The following PCNX4 variants were observed in gnomAD, a reference collection of about 807,000 sequenced individuals.
The protein encoded by PCNX4 is pecanex 4, also known as pecanex-like protein 4.
PCNX4 carries 103 observed loss-of-function variants against 107.2 expected under a neutral mutation model. The observed-to-expected ratio is 0.96, with a 90% CI of 0.82 to 1.13. The LOEUF is 1.13. PCNX4 is among the 50% of genes most tolerant of loss of function. PCNX4 has a pLI of 0.00. For synonymous variants in PCNX4, 541 were observed against 481.7 expected, an observed-to-expected ratio of 1.12 and a Z score of -1.61; for missense variants, 1,528 against 1,379.4, an observed-to-expected ratio of 1.11 and a Z score of -1.71.
At chr14:60,098,831 C>T (rs550072340) in intron 1 of PCNX4, among the ~76,000 whole-genome samples, 8 of 151,396 alleles carry the variant, frequency 5.3e-5, no homozygotes, top group African/African-American at 1.7e-4. Flanking sequence ...CCAGCTACTC[C>T]GGAGGCTGAG....
intron 7 of PCNX4, among the ~76,000 whole-genome samples, chr14:60,119,570 ATGTTT>A (rs1270964871): frequency 6.6e-6 from 1 of 152,190 alleles, no homozygotes; most frequent in Non-Finnish European, 1.5e-5. Context: ...TGTACTACAG[ATGTTT>A]TGTGAATAGT....
At chr14:60,118,747 A>G in intron 7 of PCNX4, 55 bp downstream of exon 7, 2 of 1,472,292 alleles carry the variant, frequency 1.4e-6, no homozygotes, top group East Asian at 2.3e-5. Flanking sequence ...AAAGTACAAA[A>G]AAATAACAAA....
chr14:60,115,730 G>A lies in PCNX4; in HGVS notation c.1369G>A (p.Ala457Thr), dbSNP rs929137303. 2 of 1,612,054 alleles carry A rather than the reference G, an allele frequency of 1.2e-6. No individual in the cohort carries two copies. Among genetic ancestry groups the A allele is most frequent in the East Asian group, 4.5e-5 (2 of 44,822 alleles). ...TTGTTTTGTTTTAGTATCACCTTTT[G>A]CCATGATAGCATTTCTTTCATTGGA... The part of the protein sequence containing the change: ...RILLTLVSPF[A>T]MIAFLSLDSS... The change falls in exon 5 of 11, where the codon GCC (alanine) becomes ACC (threonine). Residue 457 changes from alanine (A) to threonine (T), a missense_variant. By Grantham distance (58) the Ala-to-Thr change is moderately conservative. Coordinates refer to ENST00000406854, the MANE Select transcript of PCNX4 (RefSeq NM_001330177.2).
At chr14:60,099,709 A>G (rs1433095742) in intron 1 of PCNX4, among the ~76,000 whole-genome samples, 1 of 152,212 alleles carries the variant, frequency 6.6e-6, no homozygotes, top group Non-Finnish European at 1.5e-5. Context: ...ATATTTAACA[A>G]CTATCAAAAT....
At chr14:60,130,796 T>C (rs924032882) in intron 10 of PCNX4, among the ~76,000 whole-genome samples, 1 of 148,452 alleles carries the variant, frequency 6.7e-6, no homozygotes, top group Non-Finnish European at 1.5e-5. Flanking sequence ...GAAATAGCAT[T>C]TTTTTTTTTT....
At chr14:60,122,073 G>A (rs906212880) in intron 8 of PCNX4, among the ~76,000 whole-genome samples, 2 of 151,986 alleles carry the variant, frequency 1.3e-5, no homozygotes, top group Admixed American at 1.3e-4. Context: ...TTTTTCACTT[G>A]TATACTCCCA....
At chr14:60,113,568 C>T (rs160222) in intron 2 of PCNX4, among the ~76,000 whole-genome samples, 111,576 of 151,212 alleles carry the variant, frequency 0.74, 43,579 homozygotes, top group Non-Finnish European at 0.87. Flanking sequence ...GGGGTTTCAC[C>T]ATGTTGGCCA....
At position 60,144,103 on chromosome 14, in the gene PCNX4, A is replaced by C. The variant is rs896048985; in HGVS notation, c.*9882A>C. 7 of 152,208 alleles carry C rather than the reference A, an allele frequency of 4.6e-5. No homozygotes were observed. The highest frequency in any genetic ancestry group is 1.7e-4 in the African/African-American group (7 of 41,450). 9.4% of individuals were successfully genotyped at this position (152,208 alleles called of 1,614,324 possible). A position where few individuals can be genotyped will look rare whatever the true frequency, so the allele number is the denominator to read the frequency against. On this transcript the variant is annotated 3_prime_UTR_variant, in exon 11 of 11. Transcript: ENST00000406854. ...TTATGAGGAATGAGTTAATTAACTAATACTAAGCACTCCAGTACAGTAGAA... is the reference window on the plus strand; with the variant it reads ...TTATGAGGAATGAGTTAATTAACTACTACTAAGCACTCCAGTACAGTAGAA...
rs1460464094 is a variant in PCNX4 at position 60,107,521 on chromosome 14, G to GT, written c.-53-60dup. On this transcript the variant is annotated intron_variant, in intron 1 of 10. Transcript: ENST00000406854. ...TGAGGAGATGAAATAGTAATGTGAGGTTTTTCCTCATAGGTTTTAAATGAC... is the reference window on the plus strand; with the variant it reads ...TGAGGAGATGAAATAGTAATGTGAGGTTTTTTCCTCATAGGTTTTAAATGAC... The GT allele has an allele frequency of 7.9e-6, 7 of 889,718 alleles. No homozygotes were observed. The African/African-American group carries it at 1.2e-4, about 15-fold the overall frequency. 55.1% of individuals were successfully genotyped at this position (889,718 alleles called of 1,614,324 possible). A position where few individuals can be genotyped will look rare whatever the true frequency, so the allele number is the denominator to read the frequency against.
intron 1 of PCNX4, among the ~76,000 whole-genome samples, chr14:60,095,301 C>T (rs901360463): frequency 6.6e-6 from 1 of 152,096 alleles, no homozygotes; most frequent in African/African-American, 2.4e-5. Flanking sequence ...GGGGAATCTG[C>T]ATTTTACATA....
chr14:60,112,954 C>G (rs1041253006), intron 2 of PCNX4, among the ~76,000 whole-genome samples: 1 of 152,178 alleles, frequency 6.6e-6, no homozygotes, highest in South Asian at 2.1e-4. Context: ...GAGGCCGAGG[C>G]AGGCGGATAA....
Position 60,125,061 on chromosome 14 carries a change from G to A in PCNX4, c.2890G>A (p.Asp964Asn), listed in dbSNP as rs1054806571. Residue 964 changes from aspartate (D) to asparagine (N), a missense_variant, in exon 9 of 11, where the codon GAC becomes AAC. Asp to Asn is a conservative substitution (Grantham distance 23). Transcript: ENST00000406854. ...AAATGTACTGGAAGAAATTGCCAAG[G>A]ACAAAGTTTTAAAAGACTTTTATGT... ...ASNVLEEIAK[D>N]KVLKDFYVHT... 1.2e-6 allele frequency: 2 copies of A among 1,613,556 alleles called. No homozygotes were observed. The highest frequency in any genetic ancestry group is 2.7e-5 in the African/African-American group (2 of 74,988).
At position 60,141,095 on chromosome 14, in the gene PCNX4, A is replaced by G. The variant is rs1566525916; in HGVS notation, c.*6874A>G. ...TCTGCTTTTACTCTATTCTTGTGGT[A>G]GACAAAGTCTCTCCAAAAGCCAGAT... On this transcript the variant is annotated 3_prime_UTR_variant, in exon 11 of 11. Coordinates refer to ENST00000406854, the MANE Select transcript of PCNX4 (RefSeq NM_001330177.2). 1 of 152,240 alleles carries G rather than the reference A, an allele frequency of 6.6e-6. No homozygotes were observed. The highest frequency in any genetic ancestry group is 2.4e-5 in the African/African-American group (1 of 41,454). The allele number at this position is 152,240 out of a possible 1,614,324, so 9.4% of individuals were successfully genotyped here. A position where few individuals can be genotyped will look rare whatever the true frequency, so the allele number is the denominator to read the frequency against.
chr14:60,094,104 C>CAT (rs992286252), intron 1 of PCNX4, among the ~76,000 whole-genome samples: 13 of 151,838 alleles, frequency 8.6e-5, no homozygotes, highest in East Asian at 3.9e-4. Context: ...AGCTATAAGT[C>CAT]ATATATATAT....
rs1896249471 is a variant in PCNX4 at position 60,137,125 on chromosome 14, A to G, written c.*2904A>G. 6.6e-6 allele frequency: 1 copy of G among 152,246 alleles called. No individual in the cohort carries two copies. The highest frequency in any genetic ancestry group is 2.4e-5 in the African/African-American group (1 of 41,476). 9.4% of individuals were successfully genotyped at this position (152,246 alleles called of 1,614,324 possible). A position where few individuals can be genotyped will look rare whatever the true frequency, so the allele number is the denominator to read the frequency against. On this transcript the variant is annotated 3_prime_UTR_variant, in exon 11 of 11. Transcript: ENST00000406854. ...GGCATTAGAGAACCAAAAGACAGTGAAGAATAACATCACTAAGATCTAAGA... is the reference window on the plus strand; with the variant it reads ...GGCATTAGAGAACCAAAAGACAGTGGAGAATAACATCACTAAGATCTAAGA...
Position 60,148,061 on chromosome 14 carries a change from G to A in PCNX4, c.*13840G>A, listed in dbSNP as rs750238416. On this transcript the variant is annotated 3_prime_UTR_variant, in exon 11 of 11. Coordinates refer to ENST00000406854, the MANE Select transcript of PCNX4 (RefSeq NM_001330177.2). The surrounding 1 kb of genome is among the most constrained non-coding windows in gnomAD (Gnocchi z 4.8). ...ATTACTACTTGGTAGAAAACGAAAA[G>A]CTCCTTTTTGATTTTTCACACTCTG... 2 of 152,156 alleles carry A rather than the reference G, an allele frequency of 1.3e-5. No individual in the cohort carries two copies. Among genetic ancestry groups the A allele is most frequent in the Admixed American group, 6.5e-5 (1 of 15,272 alleles). 9.4% of individuals were successfully genotyped at this position (152,156 alleles called of 1,614,324 possible). A position where few individuals can be genotyped will look rare whatever the true frequency, so the allele number is the denominator to read the frequency against.
At position 60,115,820 on chromosome 14, in the gene PCNX4, G is replaced by T. The variant is rs752502118; in HGVS notation, c.1458+1G>T. 1 of 1,607,470 alleles carries T rather than the reference G, an allele frequency of 6.2e-7. No homozygotes were observed. The highest frequency in any genetic ancestry group is 1.7e-5 in the Admixed American group (1 of 59,708). On this transcript the variant is annotated splice_donor_variant, in intron 5 of 10. Coordinates refer to ENST00000406854, the MANE Select transcript of PCNX4 (RefSeq NM_001330177.2). LOFTEE classifies it high-confidence loss of function. The stretch of plus-strand genomic sequence containing the variant: ...TGGATTCACAAGAGCCTTTAGAATG[G>T]TAATCCTAATATGTGTTTAATAGTA...
In PCNX4 at chr14:60,134,373, A is replaced by G. The variant is rs1896210672; in HGVS notation, c.*152A>G. On this transcript the variant is annotated 3_prime_UTR_variant, in exon 11 of 11. Transcript: ENST00000406854. Reference sequence around the variant, plus strand: ...CTCCGTAAAGTTGGTTCTCTTAGCCATCTTAATGGTTCTAAAAAACAGCAA... The same window carrying G: ...CTCCGTAAAGTTGGTTCTCTTAGCCGTCTTAATGGTTCTAAAAAACAGCAA... The G allele has an allele frequency of 1.1e-6, 1 of 926,988 alleles. No homozygotes were observed. The highest frequency in any genetic ancestry group is 1.7e-5 in the African/African-American group (1 of 60,532). 57.4% of individuals were successfully genotyped at this position (926,988 alleles called of 1,614,324 possible).
At chr14:60,109,218 C>T (rs972732679) in intron 2 of PCNX4, 14 of 167,086 alleles carry the variant, frequency 8.4e-5, no homozygotes, top group Non-Finnish European at 5.9e-5. Context: ...CCTGACCATA[C>T]TGGCAGCCTG....
Sources: gnomAD v4.1 joint callset for allele counts (sites outside exome capture counted in the v4.1 genomes callset) on GRCh38, gnomAD v4.1.1 for gene constraint, Gnocchi (gnomAD v3.1) non-coding constraint, MANE v1.5 for transcripts, NCBI Gene and HGNC (gene_info 2026-07-23, HGNC 2026-07-21) for gene names.